OVOL2: variants seen among roughly 807,000 people sequenced by gnomAD.
The protein encoded by OVOL2 is transcription factor Ovo-like 2.
In OVOL2, 13 loss-of-function variants were observed where a neutral mutation model predicts 18.1. That is an observed-to-expected ratio of 0.72 (90% confidence interval 0.47 to 1.14). The LOEUF (loss-of-function observed/expected upper bound fraction) is 1.14. Ranked by LOEUF, OVOL2 falls within the 50% of genes most tolerant of loss-of-function variation. The pLI is 0.00. For missense variants in OVOL2, 335 were observed against 383.0 expected (o/e 0.87, Z 1.05); for synonymous variants, 166 against 162.7 (o/e 1.02, Z -0.16).
At position 18,024,796 on chromosome 20, in the gene OVOL2, C is replaced by CCCGT; in HGVS notation, c.664_667dup (p.Gly223AspfsTer27). On this transcript the variant is annotated frameshift_variant, in exon 4 of 4. Transcript: ENST00000278780. LOFTEE classifies it low-confidence loss of function (END_TRUNC). ...CAGGTACAGGTCCTCCTGGGTGGGG[C>CCCGT]CCGTGTAGCCGCAATCCTCGCAGAC... 6.2e-7 allele frequency: 1 copy of CCCGT among 1,614,194 alleles called. No homozygotes were observed. The highest frequency in any genetic ancestry group is 8.5e-7 in the Non-Finnish European group (1 of 1,180,040).
intron 3 of OVOL2, among the ~76,000 whole-genome samples, chr20:18,032,088 C>T (rs1360529955): frequency 6.6e-6 from 1 of 152,062 alleles, no homozygotes. Flanking sequence ...CTGTATCTAC[C>T]CTTTGGCCCA....
In OVOL2 at chr20:18,024,684, G is replaced by A. The variant is rs373249571; in HGVS notation, c.780C>T (p.Ser260=). Residue 260 remains serine, a synonymous_variant, in exon 4 of 4, where the codon TCC becomes TCT. Transcript: ENST00000278780. ...LAALLQGKLT[S]AHQENTSLSE... is the part of the protein sequence containing the mutation. ...TCAGGCTGGTATTCTCCTGGTGTGCGGATGTCAGCTTGCCCTGCAGAAGGG... is the reference window on the plus strand; with the variant it reads ...TCAGGCTGGTATTCTCCTGGTGTGCAGATGTCAGCTTGCCCTGCAGAAGGG... 6.6e-5 allele frequency: 106 copies of A among 1,613,790 alleles called. No individual in the cohort carries two copies. The highest frequency in any genetic ancestry group is 2.3e-4 in the African/African-American group (17 of 74,898).
chr20:18,058,457 C>A (rs2036851226), upstream of OVOL2, among the ~76,000 whole-genome samples: 1 of 149,470 alleles, frequency 6.7e-6, no homozygotes, highest in Admixed American at 6.7e-5. Context: ...ATCTTTAGAC[C>A]ACGTTATTTT....
intron 3 of OVOL2, among the ~76,000 whole-genome samples, chr20:18,037,152 A>G (rs925049900): frequency 1.3e-4 from 19 of 151,058 alleles, no homozygotes; most frequent in African/African-American, 2.4e-5. Flanking sequence ...AAAAAAAAAA[A>G]AGAAAGAAAC....
At chr20:18,035,173 G>T (rs552294550) in intron 3 of OVOL2, among the ~76,000 whole-genome samples, 1 of 152,318 alleles carries the variant, frequency 6.6e-6, no homozygotes, top group Non-Finnish European at 1.5e-5. Flanking sequence ...CAGGCCAGGC[G>T]GGTGCAGTGG....
At chr20:18,053,225 T>A (rs1234804511) in intron 2 of OVOL2, among the ~76,000 whole-genome samples, 1 of 152,226 alleles carries the variant, frequency 6.6e-6, no homozygotes, top group Non-Finnish European at 1.5e-5. Flanking sequence ...TTGCTGTATG[T>A]CACTGTCAGC....
chr20:18,037,656 G>T (rs924831803), intron 3 of OVOL2, among the ~76,000 whole-genome samples: 3 of 152,210 alleles, frequency 2.0e-5, no homozygotes, highest in Non-Finnish European at 4.4e-5. Flanking sequence ...GGTGGGCAGA[G>T]GGTAGGGAGA....
At chr20:18,050,368 C>G (rs910741226) in intron 2 of OVOL2, among the ~76,000 whole-genome samples, 2 of 152,220 alleles carry the variant, frequency 1.3e-5, no homozygotes, top group Non-Finnish European at 2.9e-5. Context: ...GAGGTGGCAG[C>G]TTCCTGATTG....
intron 2 of OVOL2, among the ~76,000 whole-genome samples, chr20:18,054,088 T>C (rs1473929229): frequency 1.3e-5 from 2 of 152,244 alleles, no homozygotes; most frequent in Non-Finnish European, 2.9e-5. Flanking sequence ...ATAATGTTTG[T>C]GTCTCCCTAT....
At position 18,056,200 on chromosome 20, in the gene OVOL2, T is replaced by C. The variant is rs2036822717; in HGVS notation, c.321+457A>G. Among the ~76,000 whole-genome samples, 1 of 151,850 alleles carries C rather than the reference T, an allele frequency of 6.6e-6. No homozygotes were observed. On this transcript the variant is annotated intron_variant, in intron 2 of 3. Coordinates refer to ENST00000278780, the MANE Select transcript of OVOL2 (RefSeq NM_021220.4). This position sits in a 1 kb window ranked among gnomAD's most constrained non-coding sequence, Gnocchi z 4.2. ...GCCGCCCAGGTCCAGAACATAAGCA[T>C]GGGGGGTGAACTCTCAGAATCGCGG...
Position 18,056,876 on chromosome 20 carries a change from C to T in OVOL2, c.102G>A (p.Val34=), listed in dbSNP as rs1422659513. Residue 34 remains valine (V), a splice_region_variant and synonymous_variant, in exon 2 of 4, where the codon GTG becomes GTA. Coordinates refer to ENST00000278780, the MANE Select transcript of OVOL2 (RefSeq NM_021220.4). This position sits in a 1 kb window ranked among gnomAD's most constrained non-coding sequence, Gnocchi z 4.2. The stretch of plus-strand genomic sequence containing the variant: ...GGTCGTGGAGCAGGCGGCCTAGGCC[C>T]ACTGTGGAGGGAGGGGCCGCGCCCC... The part of the protein sequence containing the change: ...DEKRADTYIP[V]GLGRLLHDPP... 2.0e-6 allele frequency: 3 copies of T among 1,484,604 alleles called. No homozygotes were observed. The highest frequency in any genetic ancestry group is 2.9e-5 in the East Asian group (1 of 34,950). 92.0% of individuals were successfully genotyped at this position (1,484,604 alleles called of 1,614,324 possible).
intron 2 of OVOL2, among the ~76,000 whole-genome samples, chr20:18,055,134 G>A (rs182877312): frequency 3.9e-5 from 6 of 152,172 alleles, no homozygotes; most frequent in Admixed American, 3.9e-4. Context: ...AAATAAGATT[G>A]GTTTACGTCT....
intron 3 of OVOL2, among the ~76,000 whole-genome samples, chr20:18,036,443 C>T (rs1209971495): frequency 6.6e-6 from 1 of 152,112 alleles, no homozygotes; most frequent in Admixed American, 6.6e-5. Context: ...AGCCAGTGGC[C>T]GCCGGACCAG....
chr20:18,030,602 T>A (rs537163351), intron 3 of OVOL2, among the ~76,000 whole-genome samples: 1 of 152,184 alleles, frequency 6.6e-6, no homozygotes, highest in Admixed American at 6.5e-5. Flanking sequence ...AAGGCCTGGA[T>A]AGCAAACGCT....
chr20:18,031,690 A>G (rs2122693890), intron 3 of OVOL2, among the ~76,000 whole-genome samples: 1 of 152,378 alleles, frequency 6.6e-6, no homozygotes, highest in Non-Finnish European at 1.5e-5. Context: ...TTATTTCACA[A>G]CAAAAGGAAA....
upstream of OVOL2, among the ~76,000 whole-genome samples, chr20:18,058,701 AC>A: frequency 6.6e-6 from 1 of 152,272 alleles, no homozygotes; most frequent in South Asian, 2.1e-4. Flanking sequence ...ACTGGGAAAT[AC>A]CTTTCCAGGA....
At chr20:18,032,959 G>A (rs891918539) in intron 3 of OVOL2, among the ~76,000 whole-genome samples, 9 of 152,092 alleles carry the variant, frequency 5.9e-5, no homozygotes, top group African/African-American at 2.2e-4. Flanking sequence ...TAGCTAAAAA[G>A]TAAATTAAGA....
intron 3 of OVOL2, among the ~76,000 whole-genome samples, chr20:18,028,379 G>T (rs1242842063): frequency 6.6e-6 from 1 of 151,698 alleles, no homozygotes; most frequent in Non-Finnish European, 1.5e-5. Context: ...GTTTCACTGT[G>T]TTGGCCAGGC....
intron 3 of OVOL2, among the ~76,000 whole-genome samples, chr20:18,028,215 C>T (rs1222693186): frequency 6.6e-6 from 1 of 151,896 alleles, no homozygotes; most frequent in East Asian, 1.9e-4. Flanking sequence ...CTTGCTCTAT[C>T]ACTCAGGCTG....
Sources: gnomAD v4.1 joint callset for allele counts (sites outside exome capture counted in the v4.1 genomes callset) on GRCh38, gnomAD v4.1.1 for gene constraint, Gnocchi (gnomAD v3.1) non-coding constraint, MANE v1.5 for transcripts, NCBI Gene and HGNC (gene_info 2026-07-23, HGNC 2026-07-21) for gene names.